KLRD1: variants seen among roughly 807,000 people sequenced by gnomAD.
The protein encoded by KLRD1 is killer cell lectin like receptor D1, also known as natural killer cells antigen CD94.
In KLRD1, 21 loss-of-function variants were observed where a neutral mutation model predicts 22.6. That is an observed-to-expected ratio of 0.93 (90% CI 0.66 to 1.34). KLRD1 has a LOEUF of 1.34. KLRD1 is among the 40% of genes most tolerant of loss of function. The probability of loss-of-function intolerance (pLI) is 0.00; values close to 1 mark genes in which losing one functional copy is unlikely to be tolerated. For synonymous variants in KLRD1, 59 were observed against 71.1 expected, an observed-to-expected ratio of 0.83 and a Z score of 0.85; for missense variants, 183 against 208.6, an observed-to-expected ratio of 0.88 and a Z score of 0.76.
In KLRD1 at chr12:10,245,105, C is replaced by T. The variant is rs1028770970; in HGVS notation, c.-101+18872C>T. ...GGGTGCGGTGGCTCACACCTGTAAT[C>T]CCAGCACTTTGGGAGGCCAAGGTGA... is the stretch of plus-strand genomic sequence containing the variant. On this transcript the variant is annotated intron_variant, in intron 1 of 5. Coordinates refer to the KLRD1 transcript ENST00000544747. 4.9e-4 allele frequency among the ~76,000 whole-genome samples: 75 copies of T among 152,212 alleles called. 1 individual carries two copies. Among genetic ancestry groups the T allele is most frequent in the African/African-American group, 1.8e-3 (75 of 41,498 alleles).
chr12:10,249,751 T>G (rs986458291), intron 1 of KLRD1, among the ~76,000 whole-genome samples: 1 of 152,214 alleles, frequency 6.6e-6, no homozygotes, highest in Admixed American at 6.5e-5. Flanking sequence ...ATCTCACATT[T>G]ATCACACATA....
intron 1 of KLRD1, among the ~76,000 whole-genome samples, chr12:10,240,625 G>A (rs569389989): frequency 4.0e-5 from 6 of 151,394 alleles, no homozygotes; most frequent in Non-Finnish European, 5.9e-5. Context: ...CCCAATCAAG[G>A]TGAGTGTGTA....
chr12:10,300,675 C>CAGG (rs949581715), upstream of KLRD1, among the ~76,000 whole-genome samples: 1 of 152,208 alleles, frequency 6.6e-6, no homozygotes, highest in African/African-American at 2.4e-5. Flanking sequence ...TCCTTGGAAG[C>CAGG]TTTGAAACTA....
At chr12:10,276,000 TTTTGCTTA>T (rs1949588766) in intron 1 of KLRD1, among the ~76,000 whole-genome samples, 2 of 152,206 alleles carry the variant, frequency 1.3e-5, no homozygotes, top group Admixed American at 6.5e-5. Flanking sequence ...TTAGTAGCTT[TTTTGCTTA>T]TTTTAATTAT....
In KLRD1 at chr12:10,321,495, A is replaced by G. The variant is rs568559002; in HGVS notation, c.*6702A>G. Reference sequence around the variant, plus strand: ...ATTAGACTCTTGTAAACAGCTTCCTATATGCTCCCAATGATCCCTGTTTCT... The same window carrying G: ...ATTAGACTCTTGTAAACAGCTTCCTGTATGCTCCCAATGATCCCTGTTTCT... On this transcript the variant is annotated 3_prime_UTR_variant, in exon 6 of 6. Coordinates refer to ENST00000336164, the MANE Select transcript of KLRD1 (RefSeq NM_002262.5). 9 of 152,340 alleles carry G rather than the reference A, an allele frequency of 5.9e-5. No homozygotes were observed. The East Asian group carries it at 1.7e-3, about 29-fold the overall frequency. 9.4% of individuals were successfully genotyped at this position (152,340 alleles called of 1,614,324 possible).
chr12:10,290,859 G>A (rs1334226844), intron 1 of KLRD1, among the ~76,000 whole-genome samples: 1 of 151,972 alleles, frequency 6.6e-6, no homozygotes, highest in African/African-American at 2.4e-5. Flanking sequence ...ATACACACAA[G>A]CAAATGAATG....
chr12:10,272,909 A>G (rs898114192), intron 1 of KLRD1, among the ~76,000 whole-genome samples: 1 of 152,208 alleles, frequency 6.6e-6, no homozygotes, highest in African/African-American at 2.4e-5. Context: ...TTAGAAAACA[A>G]TAGACTAAAT....
chr12:10,324,536 A>G lies in KLRD1; in HGVS notation c.*9743A>G, dbSNP rs1310081684. 6.6e-6 allele frequency: 1 copy of G among 151,602 alleles called. No homozygotes were observed. The highest frequency in any genetic ancestry group is 2.4e-5 in the African/African-American group (1 of 41,272). The allele number at this position is 151,602 out of a possible 1,614,324, so 9.4% of individuals were successfully genotyped here. On this transcript the variant is annotated 3_prime_UTR_variant, in exon 6 of 6. Coordinates refer to ENST00000336164, the MANE Select transcript of KLRD1 (RefSeq NM_002262.5). The stretch of plus-strand genomic sequence containing the variant: ...TGATTTGCTTAGGATAATGGCCTCT[A>G]GTTCTATCCATGTTCCTGCAAAGGA...
In KLRD1 at chr12:10,241,976, G is replaced by A. The variant is rs538080954; in HGVS notation, c.-101+15743G>A. 2.7e-4 allele frequency among the ~76,000 whole-genome samples: 41 copies of A among 150,530 alleles called. No homozygotes were observed. The South Asian group carries it at 8.2e-3, about 30-fold the overall frequency. On this transcript the variant is annotated intron_variant, in intron 1 of 5. Transcript: ENST00000544747. ...TCATGACATCACAATCTGAGTTGCT[G>A]TATTCTTATAGGTCATTCGATTCCT...
chr12:10,247,837 G>T (rs10845087), intron 1 of KLRD1, among the ~76,000 whole-genome samples: 114,404 of 152,092 alleles, frequency 0.75, 43,606 homozygotes, highest in East Asian at 1. Flanking sequence ...GAAGAGGGAC[G>T]TATTTGCTTC....
intron 1 of KLRD1, among the ~76,000 whole-genome samples, chr12:10,264,682 CTGTG>C (rs1288838996): frequency 6.7e-6 from 1 of 149,762 alleles, no homozygotes; most frequent in Non-Finnish European, 1.5e-5. Context: ...TAGTTACCTT[CTGTG>C]TGTGTGTGTG....
At chr12:10,314,570 A>G in intron 5 of KLRD1, 103 bp from the exon 6 acceptor site, 1 of 1,033,648 alleles carries the variant, frequency 9.7e-7, no homozygotes, top group African/African-American at 1.7e-5. Flanking sequence ...ATATGTTAGT[A>G]TCTCACTCAA....
chr12:10,315,083 A>G lies in KLRD1; in HGVS notation c.*290A>G, dbSNP rs1234904521. On this transcript the variant is annotated 3_prime_UTR_variant, in exon 6 of 6. Coordinates refer to ENST00000336164, the MANE Select transcript of KLRD1 (RefSeq NM_002262.5). ...TTTTATTACACATTTATGTAATTTT[A>G]TTTACATTCTTGCTAATTCTCAGCA... 1 of 258,818 alleles carries G rather than the reference A, an allele frequency of 3.9e-6. No individual in the cohort carries two copies. Among genetic ancestry groups the G allele is most frequent in the Non-Finnish European group, 7.4e-6 (1 of 135,996 alleles). 16.0% of individuals were successfully genotyped at this position (258,818 alleles called of 1,614,324 possible). A position where few individuals can be genotyped will look rare whatever the true frequency, so the allele number is the denominator to read the frequency against.
chr12:10,313,536 GT>G, intron 5 of KLRD1, 23 bp downstream of exon 5: 2 of 1,394,678 alleles, frequency 1.4e-6, no homozygotes, highest in Non-Finnish European at 9.9e-7. Context: ...CAATCATGGC[GT>G]TTTTTGCTCT....
intron 1 of KLRD1, among the ~76,000 whole-genome samples, chr12:10,288,254 A>C (rs1000452471): frequency 2.6e-5 from 4 of 151,820 alleles, no homozygotes; most frequent in African/African-American, 9.7e-5. Flanking sequence ...AAAAAAAAAA[A>C]AAAGAAAGAT....
intron 4 of KLRD1, 187 bp downstream of exon 4, chr12:10,311,802 A>G (rs978473587): frequency 4.3e-6 from 2 of 466,910 alleles, no homozygotes; most frequent in African/African-American, 3.9e-5. Flanking sequence ...CTTAATGATT[A>G]TATCATGGGA....
intron 4 of KLRD1, 140 bp from the exon 5 acceptor site, chr12:10,313,270 T>A: frequency 4.1e-6 from 2 of 487,652 alleles, no homozygotes; most frequent in Non-Finnish European, 7.3e-6. Context: ...TTATACCTTT[T>A]AAATAGGAAG....
At chr12:10,272,963 A>G (rs956335100) in intron 1 of KLRD1, among the ~76,000 whole-genome samples, 8 of 152,196 alleles carry the variant, frequency 5.3e-5, no homozygotes, top group African/African-American at 1.7e-4. Flanking sequence ...TGATTGTAAC[A>G]GATACGGATT....
At chr12:10,306,629 C>CACTAAA (rs371825875), upstream of KLRD1, among the ~76,000 whole-genome samples, 120 of 152,230 alleles carry the variant, frequency 7.9e-4, no homozygotes, top group African/African-American at 2.7e-3. Flanking sequence ...CTTTTTCTAA[C>CACTAAA]ACTAAAAATG....
Sources: allele counts gnomAD v4.1 joint callset (sites outside exome capture counted in the v4.1 genomes callset), GRCh38; gene constraint gnomAD v4.1.1; transcripts MANE v1.5; gene names NCBI Gene and HGNC (gene_info 2026-07-23, HGNC 2026-07-21).